Variants in POTEF observed in about 807,000 individuals in gnomAD.
POTEF encodes the protein POTE ankyrin domain family member F.
A neutral mutation model predicts 83.2 loss-of-function variants in POTEF; 20 were observed. That is an observed-to-expected ratio of 0.24 (90% CI 0.17 to 0.35). The LOEUF is 0.35. Ranked by LOEUF, POTEF falls within the 10% of genes least tolerant of loss-of-function variation. The probability of loss-of-function intolerance (pLI) is 1.00; values close to 1 mark genes in which losing one functional copy is unlikely to be tolerated. For missense variants in POTEF, 550 were observed against 1,203.2 expected (o/e 0.46, Z 8.03); for synonymous variants, 196 against 446.4 (o/e 0.44, Z 7.07).
intron 11 of POTEF, among the ~76,000 whole-genome samples, chr2:130,095,012 G>C (rs1225624044): frequency 3.3e-5 from 5 of 151,332 alleles, no homozygotes; most frequent in African/African-American, 7.3e-5. Context: ...TGTTAGGAAA[G>C]AACCATGTCA....
At chr2:130,107,634 A>G in intron 8 of POTEF, 1 of 295,410 alleles carries the variant, frequency 3.4e-6, no homozygotes, top group Non-Finnish European at 6.3e-6. Context: ...ATAGCATTAG[A>G]TACTCATTGG....
At chr2:130,111,211 CCTA>C (rs1237431119) in intron 6 of POTEF, among the ~76,000 whole-genome samples, 2 of 150,778 alleles carry the variant, frequency 1.3e-5, no homozygotes, top group Non-Finnish European at 2.9e-5. Flanking sequence ...GATATATTCT[CCTA>C]CTTTTCATAT....
rs1684830532 is a variant in POTEF at position 130,115,801 on chromosome 2, G to A, written c.522-473C>T. On this transcript the variant is annotated intron_variant, in intron 3 of 16. Transcript: ENST00000409914. ...CCACTAAAGACAACATTTGAATTGA[G>A]ATGATACAATTATACCTACACTTTC... is the stretch of plus-strand genomic sequence containing the variant. 4.6e-5 allele frequency among the ~76,000 whole-genome samples: 7 copies of A among 152,202 alleles called. No individual in the cohort carries two copies. The South Asian group carries it at 1.5e-3, about 32-fold the overall frequency.
At chr2:130,107,032 G>C (rs1684554695) in intron 8 of POTEF, among the ~76,000 whole-genome samples, 1 of 149,600 alleles carries the variant, frequency 6.7e-6, no homozygotes, top group African/African-American at 2.5e-5. Flanking sequence ...ATAAATAGAT[G>C]ACTAAATTAA....
Position 130,120,395 on chromosome 2 carries a change from T to G in POTEF, c.121A>C (p.Ser41Arg). The change falls in exon 3 of 17, where the codon AGC becomes CGC. Residue 41 changes from serine to arginine, a missense_variant. Transcript: ENST00000409914. ...CFPCCRESGK[S>R]NVGTSGDHDD... ...TGGTCTCCAGAAGTGCCCACGTTGC[T>G]CTTGCCGCTCTCCCTGCAGCAGGGG... The G allele has an allele frequency of 6.2e-7, 1 of 1,612,354 alleles. No homozygotes were observed. Among genetic ancestry groups the G allele is most frequent in the South Asian group, 1.1e-5 (1 of 91,016 alleles).
At chr2:130,087,632 A>ATT (rs1450442167) in intron 13 of POTEF, among the ~76,000 whole-genome samples, 1 of 103,850 alleles carries the variant, frequency 9.6e-6, no homozygotes, top group African/African-American at 3.8e-5. Flanking sequence ...ATCTATTAAA[A>ATT]TTTTTTTTTT....
chr2:130,102,827 T>A (rs1375976098), intron 8 of POTEF, among the ~76,000 whole-genome samples: 1 of 151,706 alleles, frequency 6.6e-6, no homozygotes, highest in Non-Finnish European at 1.5e-5. Flanking sequence ...ACTGCCTTTG[T>A]TCTGCTTCTG....
At chr2:130,108,483 A>C (rs1382424436) in intron 7 of POTEF, among the ~76,000 whole-genome samples, 13 of 151,870 alleles carry the variant, frequency 8.6e-5, no homozygotes, top group African/African-American at 3.2e-4. Flanking sequence ...ATAAAGATTT[A>C]ACGAGATAAC....
rs1187682565 is a variant in POTEF, at chr2:130,104,952, C to T, written c.1127-2772G>A. 9.9e-5 allele frequency among the ~76,000 whole-genome samples: 15 copies of T among 151,142 alleles called. No individual in the cohort carries two copies. In the South Asian group the frequency reaches 1.3e-3, roughly 13 times the overall value. On this transcript the variant is annotated intron_variant, in intron 8 of 16. Coordinates refer to ENST00000409914, the MANE Select transcript of POTEF (RefSeq NM_001099771.2). Reference sequence around the variant, plus strand: ...TATCCTACATGAATTTTCCATTAAACGTGCATAGAAAAACATTAGTCATTC... The same window carrying T: ...TATCCTACATGAATTTTCCATTAAATGTGCATAGAAAAACATTAGTCATTC...
rs60783655 is a variant in POTEF at position 130,128,548 on chromosome 2, A to AC, written c.-250+523dup. ...CAGTTGCAGGCAGTGTAACCCCAATACCCCCCCCAACCACCCCCTCCACAG... is the reference window on the plus strand; with the variant it reads ...CAGTTGCAGGCAGTGTAACCCCAATACCCCCCCCCAACCACCCCCTCCACAG... On this transcript the variant is annotated intron_variant, in intron 1 of 16. Transcript: ENST00000409914. 1.3e-3 allele frequency among the ~76,000 whole-genome samples: 107 copies of AC among 79,786 alleles called. 1 individual carries two copies. Among genetic ancestry groups the AC allele is most frequent in the East Asian group, 1.7e-3 (4 of 2,340 alleles). 52.3% of individuals were successfully genotyped at this position (79,786 alleles called of 152,430 possible). A position where few individuals can be genotyped will look rare whatever the true frequency, so the allele number is the denominator to read the frequency against.
At chr2:130,117,587 A>G (rs1329066562) in intron 3 of POTEF, among the ~76,000 whole-genome samples, 2 of 152,008 alleles carry the variant, frequency 1.3e-5, no homozygotes, top group Non-Finnish European at 1.5e-5. Flanking sequence ...TTGTTATAGC[A>G]AAGTACATCT....
chr2:130,117,747 C>A (rs71422851), intron 3 of POTEF, among the ~76,000 whole-genome samples: 2,492 of 151,460 alleles, frequency 0.016, 96 homozygotes, highest in African/African-American at 0.057. Flanking sequence ...AAAAACAGAC[C>A]TCTATTTGGT....
At chr2:130,108,113 T>C (rs1684593603) in intron 7 of POTEF, 34 bp from the exon 8 acceptor site, 1 of 1,543,150 alleles carries the variant, frequency 6.5e-7, no homozygotes, top group Admixed American at 2.0e-5. Flanking sequence ...CAAATTACTA[T>C]TTTAATACTG....
chr2:130,110,059 T>G (rs957406678), intron 7 of POTEF, among the ~76,000 whole-genome samples: 3 of 151,382 alleles, frequency 2.0e-5, no homozygotes, highest in Admixed American at 2.0e-4. Flanking sequence ...ACAGAATGAT[T>G]GCAATGTCTT....
chr2:130,120,656 C>T (rs1231654703), intron 2 of POTEF, 48 bp from the exon 3 acceptor site: 55 of 1,486,502 alleles, frequency 3.7e-5, no homozygotes, highest in Non-Finnish European at 4.7e-5. Flanking sequence ...CCAACCCCAG[C>T]AGGGGATTCC....
chr2:130,117,639 A>T (rs1046966353), intron 3 of POTEF, among the ~76,000 whole-genome samples: 7 of 151,922 alleles, frequency 4.6e-5, no homozygotes, highest in Non-Finnish European at 8.8e-5. Context: ...CAACCTCAAT[A>T]GTTACATATT....
At chr2:130,109,473 C>G (rs1343786225) in intron 7 of POTEF, 1 of 146,716 alleles carries the variant, frequency 6.8e-6, no homozygotes. Flanking sequence ...GGAAGTAGCT[C>G]CGATAATTTT....
chr2:130,075,929 T>C (rs1470496121), intron 16 of POTEF, among the ~76,000 whole-genome samples: 2 of 149,968 alleles, frequency 1.3e-5, no homozygotes. Context: ...GCATAAAATA[T>C]AAGATTAATA....
chr2:130,113,698 C>A lies in POTEF; in HGVS notation c.810+1183G>T, dbSNP rs150107816. The stretch of plus-strand genomic sequence containing the variant: ...ACATTTTCAAATATACATATCCAGG[C>A]TTTATTAGACTTACTGTATCAAAAT... On this transcript the variant is annotated intron_variant, in intron 5 of 16. Transcript: ENST00000409914. Among the ~76,000 whole-genome samples, 3 of 148,166 alleles carry A rather than the reference C, an allele frequency of 2.0e-5. No homozygotes were observed. The Admixed American group carries it at 2.1e-4, about 10-fold the overall frequency.
Sources: gnomAD v4.1 joint callset for allele counts (sites outside exome capture counted in the v4.1 genomes callset) on GRCh38, gnomAD v4.1.1 for gene constraint, MANE v1.5 for transcripts, NCBI Gene and HGNC (gene_info 2026-07-23, HGNC 2026-07-21) for gene names.